Variants in CNTN3 observed in about 807,000 individuals in gnomAD.
CNTN3 encodes contactin-3.
A neutral mutation model predicts 119.1 loss-of-function variants in CNTN3; 60 were observed. The observed-to-expected ratio is 0.50, with a 90% CI of 0.41 to 0.62. CNTN3 has a LOEUF of 0.62. CNTN3 is among the 20% of genes least tolerant of loss of function. CNTN3 has a pLI of 0.00. For missense variants in CNTN3, 1,101 were observed against 1,242.4 expected (o/e 0.89, Z 1.71); for synonymous variants, 450 against 438.7 (o/e 1.03, Z -0.32).
intron 13 of CNTN3, among the ~76,000 whole-genome samples, chr3:74,314,769 T>C (rs917184320): frequency 3.9e-5 from 6 of 152,216 alleles, no homozygotes; most frequent in Admixed American, 3.9e-4. Flanking sequence ...AAAGACTTAG[T>C]TGACCTCAAC....
At chr3:74,367,101 T>C (rs1345911258) in intron 8 of CNTN3, among the ~76,000 whole-genome samples, 1 of 151,910 alleles carries the variant, frequency 6.6e-6, no homozygotes, top group African/African-American at 2.4e-5. Context: ...TCATATGAGA[T>C]GCAAATATTC....
At chr3:74,465,112 C>T (rs142078408) in intron 4 of CNTN3, among the ~76,000 whole-genome samples, 159 of 152,270 alleles carry the variant, frequency 1.0e-3, no homozygotes, top group African/African-American at 3.2e-3. Context: ...TGTAAATAAA[C>T]ATTCCCTAAG....
chr3:74,507,633 T>C (rs1158244958), intron 2 of CNTN3, among the ~76,000 whole-genome samples: 2 of 95,684 alleles, frequency 2.1e-5, no homozygotes, highest in Non-Finnish European at 4.6e-5. Flanking sequence ...TTTCTTTTTT[T>C]TTTTTTTTTT....
intron 5 of CNTN3, among the ~76,000 whole-genome samples, chr3:74,416,165 C>T (rs1404308161): frequency 2.7e-5 from 4 of 150,372 alleles, no homozygotes; most frequent in African/African-American, 9.7e-5. Flanking sequence ...CCCAGCCAGA[C>T]AATCCCCCAG....
rs1038695910 is a variant in CNTN3 at position 74,344,849 on chromosome 3, G to A, written c.1365-8191C>T. Among the ~76,000 whole-genome samples the A allele has an allele frequency of 2.7e-5, 4 of 148,432 alleles. No individual in the cohort carries two copies. The South Asian group carries it at 8.3e-4, about 31-fold the overall frequency. ...ATCTCTCTGTAGAACAAATGTGTGTGTGCACATATGTATACGTATACACAC... is the reference window on the plus strand; with the variant it reads ...ATCTCTCTGTAGAACAAATGTGTGTATGCACATATGTATACGTATACACAC... On this transcript the variant is annotated intron_variant, in intron 11 of 22. Coordinates refer to ENST00000263665, the MANE Select transcript of CNTN3 (RefSeq NM_020872.3).
chr3:74,502,147 C>A (rs1703177340), intron 2 of CNTN3, among the ~76,000 whole-genome samples: 1 of 151,946 alleles, frequency 6.6e-6, no homozygotes, highest in South Asian at 2.1e-4. Flanking sequence ...TTTTTTCTGA[C>A]AAATTCTGAT....
intron 11 of CNTN3, among the ~76,000 whole-genome samples, chr3:74,357,500 C>T (rs964790967): frequency 2.3e-4 from 35 of 152,108 alleles, no homozygotes; most frequent in Admixed American, 2.0e-3. Flanking sequence ...TTGGGCTGGT[C>T]TTGAACTCCT....
intron 4 of CNTN3, among the ~76,000 whole-genome samples, chr3:74,428,814 G>A (rs940360326): frequency 1.3e-5 from 2 of 152,092 alleles, no homozygotes; most frequent in Non-Finnish European, 2.9e-5. Flanking sequence ...TCCATTCATG[G>A]TAAGTGTTCA....
intron 19 of CNTN3, among the ~76,000 whole-genome samples, chr3:74,290,255 A>C (rs1040684357): frequency 3.9e-5 from 6 of 152,226 alleles, no homozygotes; most frequent in Admixed American, 2.0e-4. Context: ...CCTAGGCTAT[A>C]AACCTGTACA....
chr3:74,278,583 C>G (rs1480840253), intron 20 of CNTN3, among the ~76,000 whole-genome samples: 1 of 152,158 alleles, frequency 6.6e-6, no homozygotes, highest in Non-Finnish European at 1.5e-5. Context: ...GGATCCTCAT[C>G]TCTCACCTTA....
intron 13 of CNTN3, among the ~76,000 whole-genome samples, chr3:74,312,105 T>C (rs995509368): frequency 1.2e-4 from 18 of 151,884 alleles, no homozygotes; most frequent in African/African-American, 4.4e-4. Flanking sequence ...TTCTGGTAGT[T>C]GTGGGGGGAA....
chr3:74,581,165 C>T (rs1324610225), intron 1 of CNTN3, among the ~76,000 whole-genome samples: 1 of 151,916 alleles, frequency 6.6e-6, no homozygotes, highest in Non-Finnish European at 1.5e-5. Flanking sequence ...AAATAAAAGG[C>T]ATTCAGATGG....
intron 13 of CNTN3, among the ~76,000 whole-genome samples, chr3:74,305,246 A>G (rs1256363178): frequency 6.6e-6 from 1 of 152,070 alleles, no homozygotes; most frequent in Non-Finnish European, 1.5e-5. Flanking sequence ...GGCAAAATGA[A>G]AGAGACAGAC....
At chr3:74,323,326 T>C (rs1703042500) in intron 13 of CNTN3, among the ~76,000 whole-genome samples, 1 of 152,196 alleles carries the variant, frequency 6.6e-6, no homozygotes, top group South Asian at 2.1e-4. Context: ...GTTTATTTTT[T>C]AAAAGGGGTC....
chr3:74,482,693 A>C (rs1057199905), intron 4 of CNTN3, among the ~76,000 whole-genome samples: 2 of 152,128 alleles, frequency 1.3e-5, no homozygotes, highest in African/African-American at 2.4e-5. Context: ...CAACATAGTC[A>C]AGAGAAGAGA....
chr3:74,386,783 C>T (rs1462291489), intron 5 of CNTN3, among the ~76,000 whole-genome samples: 1 of 152,180 alleles, frequency 6.6e-6, no homozygotes, highest in Non-Finnish European at 1.5e-5. Flanking sequence ...TACAGGAATG[C>T]ATAACAAATG....
At chr3:74,583,381 T>C (rs953298777) in intron 1 of CNTN3, among the ~76,000 whole-genome samples, 7 of 148,492 alleles carry the variant, frequency 4.7e-5, no homozygotes, top group African/African-American at 1.8e-4. Flanking sequence ...TCTTAGTAAT[T>C]ATGAAAAAAA....
At chr3:74,508,030 A>G (rs547315384) in intron 2 of CNTN3, among the ~76,000 whole-genome samples, 2 of 152,260 alleles carry the variant, frequency 1.3e-5, no homozygotes, top group African/African-American at 4.8e-5. Flanking sequence ...AGGTCTAAGG[A>G]AGCAGAACAG....
At chr3:74,269,930 A>C (rs1701737682) in intron 20 of CNTN3, among the ~76,000 whole-genome samples, 1 of 152,138 alleles carries the variant, frequency 6.6e-6, no homozygotes, top group African/African-American at 2.4e-5. Context: ...GGTTCTAGAG[A>C]TCTATTGCAC....
Sources: allele counts gnomAD v4.1 joint callset (sites outside exome capture counted in the v4.1 genomes callset), GRCh38; gene constraint gnomAD v4.1.1; transcripts MANE v1.5; gene names NCBI Gene and HGNC (gene_info 2026-07-23, HGNC 2026-07-21).